The following SPATA6 variants were observed in gnomAD, a reference collection of about 807,000 sequenced individuals.
SPATA6 encodes the protein spermatogenesis associated 6.
In SPATA6, 56 loss-of-function variants were observed where a neutral mutation model predicts 65.3. The ratio of observed to expected loss-of-function variants is 0.86; its 90% confidence interval spans 0.69 to 1.07. The LOEUF (loss-of-function observed/expected upper bound fraction) is 1.07. Ranked by LOEUF, SPATA6 falls within the 50% of genes least tolerant of loss-of-function variation. The pLI is 0.00. For missense variants in SPATA6, 590 were observed against 594.8 expected (o/e 0.99, Z 0.08); for synonymous variants, 199 against 213.2 (o/e 0.93, Z 0.58).
At chr1:48,344,565 G>A (rs1180504623) in intron 11 of SPATA6, among the ~76,000 whole-genome samples, 2 of 152,018 alleles carry the variant, frequency 1.3e-5, no homozygotes, top group African/African-American at 2.4e-5. Context: ...TAAGTGCCCC[G>A]ATTAAAAGAC....
At position 48,340,584 on chromosome 1, in the gene SPATA6, A is replaced by G. The variant is rs151243392; in HGVS notation, c.1194+15086T>C. Among the ~76,000 whole-genome samples, 157 of 151,898 alleles carry G rather than the reference A, an allele frequency of 1.0e-3. 1 individual carries two copies. The highest frequency in any genetic ancestry group is 3.5e-3 in the African/African-American group (147 of 41,552). ...TAACTATTAAAAAAATAAGCACTCT[A>G]TAAGTTAGAAATAAAAAAAGAACAA... On this transcript the variant is annotated intron_variant, in intron 11 of 12. Transcript: ENST00000371847.
intron 5 of SPATA6, among the ~76,000 whole-genome samples, chr1:48,408,193 A>C (rs1389992068): frequency 2.6e-5 from 4 of 152,244 alleles, no homozygotes; most frequent in Admixed American, 2.0e-4. Flanking sequence ...ATATTTGTTC[A>C]TATATCAACA....
chr1:48,425,935 T>C (rs1653795606), intron 3 of SPATA6, among the ~76,000 whole-genome samples: 1 of 150,858 alleles, frequency 6.6e-6, no homozygotes, highest in East Asian at 1.9e-4. Flanking sequence ...AAACAAGCAG[T>C]AGGCACAAAG....
chr1:48,399,720 A>T, intron 6 of SPATA6, 76 bp from the exon 7 acceptor site: 1 of 1,341,318 alleles, frequency 7.5e-7, no homozygotes, highest in South Asian at 1.5e-5. Flanking sequence ...AAAATTAAAA[A>T]GTAATTTAAA....
chr1:48,312,538 C>T (rs1215474127), intron 11 of SPATA6, among the ~76,000 whole-genome samples: 4 of 152,158 alleles, frequency 2.6e-5, no homozygotes, highest in African/African-American at 7.2e-5. Flanking sequence ...AAACCAAAAA[C>T]CCATCTGTAC....
At chr1:48,372,779 G>A (rs570568506) in intron 9 of SPATA6, among the ~76,000 whole-genome samples, 1 of 152,358 alleles carries the variant, frequency 6.6e-6, no homozygotes, top group East Asian at 1.9e-4. Flanking sequence ...TGACTTCTGT[G>A]CACTCACAGG....
intron 11 of SPATA6, among the ~76,000 whole-genome samples, chr1:48,333,480 A>G (rs1645973568): frequency 6.6e-6 from 1 of 152,178 alleles, no homozygotes; most frequent in African/African-American, 2.4e-5. Flanking sequence ...CCTTGTAATC[A>G]TGTGAGTCAA....
At chr1:48,367,304 T>C (rs370707886) in intron 9 of SPATA6, among the ~76,000 whole-genome samples, 1 of 152,226 alleles carries the variant, frequency 6.6e-6, no homozygotes, top group Non-Finnish European at 1.5e-5. Flanking sequence ...TGTAGATGTC[T>C]ATTAGGTCTG....
chr1:48,323,828 C>T (rs920659656), intron 11 of SPATA6, among the ~76,000 whole-genome samples: 2 of 152,138 alleles, frequency 1.3e-5, no homozygotes, highest in Non-Finnish European at 2.9e-5. Context: ...CTTGAATAGA[C>T]TAATACGTAA....
At chr1:48,440,053 AC>A (rs1443773925) in intron 3 of SPATA6, among the ~76,000 whole-genome samples, 1 of 151,994 alleles carries the variant, frequency 6.6e-6, no homozygotes. Flanking sequence ...CTCTCAGCTT[AC>A]CCCCATATCC....
the SPATA6 span, among the ~76,000 whole-genome samples, chr1:48,288,171 T>C: frequency 6.6e-6 from 1 of 152,222 alleles, no homozygotes; most frequent in Non-Finnish European, 1.5e-5. Flanking sequence ...TGGTGTATGA[T>C]CCTTGTAATG....
intron 11 of SPATA6, among the ~76,000 whole-genome samples, chr1:48,329,938 C>T (rs1319483344): frequency 1.3e-5 from 2 of 152,212 alleles, no homozygotes; most frequent in African/African-American, 4.8e-5. Context: ...CAGAGAGCCA[C>T]CTGGACATTT....
intron 9 of SPATA6, among the ~76,000 whole-genome samples, chr1:48,368,441 G>A (rs542230306): frequency 9.4e-4 from 143 of 152,276 alleles, no homozygotes; most frequent in Non-Finnish European, 1.9e-3. Context: ...CCAATCAGAC[G>A]TAGATTTGGT....
intron 1 of SPATA6, among the ~76,000 whole-genome samples, chr1:48,455,020 A>G (rs890023136): frequency 2.0e-5 from 3 of 152,180 alleles, no homozygotes; most frequent in Non-Finnish European, 4.4e-5. Context: ...CTCTTACTCT[A>G]TGTTCCCCTT....
At chr1:48,283,900 ATG>A in the SPATA6 span, among the ~76,000 whole-genome samples, 3 of 151,948 alleles carry the variant, frequency 2.0e-5, no homozygotes, top group South Asian at 6.2e-4. Flanking sequence ...TCTGACAATT[ATG>A]TGTCTTGGGG....
At chr1:48,448,347 A>G (rs1471408417) in intron 3 of SPATA6, among the ~76,000 whole-genome samples, 1 of 152,096 alleles carries the variant, frequency 6.6e-6, no homozygotes, top group Non-Finnish European at 1.5e-5. Context: ...ATCCAAAAAC[A>G]TGAAATCTGA....
At chr1:48,268,219 C>A in the SPATA6 span, among the ~76,000 whole-genome samples, 8 of 152,082 alleles carry the variant, frequency 5.3e-5, no homozygotes, top group African/African-American at 1.7e-4. Flanking sequence ...CTCTACCCAG[C>A]ACTTCTGTGC....
Position 48,472,130 on chromosome 1 carries a change from C to T in SPATA6, c.-122G>A. ...GCGGCGGCGGTGGCAGCAGTGGCCC[C>T]CAGGCCGGGGCCCGCGGTCCAGCCT... On this transcript the variant is annotated 5_prime_UTR_variant, in exon 1 of 13. The change creates a premature stop within an existing upstream ORF in the 5' untranslated region. Transcript: ENST00000371847. 1 of 757,934 alleles carries T rather than the reference C, an allele frequency of 1.3e-6. No homozygotes were observed. Among genetic ancestry groups the T allele is most frequent in the Non-Finnish European group, 2.0e-6 (1 of 502,518 alleles). The allele number at this position is 757,934 out of a possible 1,614,324, so 47.0% of individuals were successfully genotyped here.
chr1:48,447,419 T>A (rs1320390893), intron 3 of SPATA6, among the ~76,000 whole-genome samples: 5 of 152,172 alleles, frequency 3.3e-5, no homozygotes, highest in Non-Finnish European at 5.9e-5. Context: ...CTCAGGAGGC[T>A]GAGGCAGGAG....
Sources: allele counts gnomAD v4.1 joint callset (sites outside exome capture counted in the v4.1 genomes callset), GRCh38; gene constraint gnomAD v4.1.1; transcripts MANE v1.5; gene names NCBI Gene and HGNC (gene_info 2026-07-23, HGNC 2026-07-21).